The following LARP4B variants were observed in gnomAD, a reference collection of about 807,000 sequenced individuals.
The protein encoded by LARP4B is La ribonucleoprotein 4B.
Under a neutral mutation model 89.8 loss-of-function variants are expected in LARP4B, and 12 were observed. The ratio of observed to expected loss-of-function variants is 0.13; its 90% confidence interval spans 0.09 to 0.22. The LOEUF is 0.22. LARP4B is among the 10% of genes least tolerant of loss of function. The pLI, the probability that LARP4B is intolerant of heterozygous loss-of-function variation, is 1.00. For missense variants in LARP4B, 757 were observed against 947.7 expected, an observed-to-expected ratio of 0.80 and a Z score of 2.64; for synonymous variants, 367 against 363.3, an observed-to-expected ratio of 1.01 and a Z score of -0.12.
At chr10:965,346 G>A in the LARP4B span, among the ~76,000 whole-genome samples, 30 of 152,174 alleles carry the variant, frequency 2.0e-4, no homozygotes, top group African/African-American at 6.8e-4. Flanking sequence ...CCTGGACTCT[G>A]AGGCCCCCAA....
At chr10:904,656 C>G (rs1836440199) in intron 1 of LARP4B, among the ~76,000 whole-genome samples, 1 of 152,116 alleles carries the variant, frequency 6.6e-6, no homozygotes, top group African/African-American at 2.4e-5. Context: ...CTTTTAATCA[C>G]AACACAGCAT....
intron 8 of LARP4B, among the ~76,000 whole-genome samples, chr10:833,283 A>AAAAAC (rs1833019709): frequency 7.1e-6 from 1 of 141,386 alleles, no homozygotes; most frequent in Non-Finnish European, 1.6e-5. Context: ...AAAAAAAAAA[A>AAAAAC]ACCTCAAAAT....
the LARP4B span, among the ~76,000 whole-genome samples, chr10:965,407 G>A: frequency 0.12 from 18,732 of 152,062 alleles, 1,498 homozygotes; most frequent in Non-Finnish European, 0.18. Flanking sequence ...TGCGGCTCCT[G>A]GGTCATCTCA....
At chr10:864,725 G>C (rs1449345778) in intron 3 of LARP4B, among the ~76,000 whole-genome samples, 1 of 152,194 alleles carries the variant, frequency 6.6e-6, no homozygotes, top group African/African-American at 2.4e-5. Context: ...AGGCCAAGGC[G>C]GGCGGATCAC....
upstream of LARP4B, among the ~76,000 whole-genome samples, chr10:934,650 G>A (rs1315321014): frequency 6.6e-6 from 1 of 151,720 alleles, no homozygotes; most frequent in East Asian, 1.9e-4. Flanking sequence ...TTTTCACCTT[G>A]AGATGTGAGG....
In LARP4B at chr10:919,025, G is replaced by T. The variant is rs371435886; in HGVS notation, c.-40+12403C>A. On this transcript the variant is annotated intron_variant, in intron 1 of 17. Coordinates refer to ENST00000316157, the MANE Select transcript of LARP4B (RefSeq NM_015155.3). ...GAACCCGAGAGGCGGAGTTTGCAGT[G>T]AGCGGAGATCAAGCCACTGCACTCC... Among the ~76,000 whole-genome samples, 30 of 151,634 alleles carry T rather than the reference G, an allele frequency of 2.0e-4. No homozygotes were observed. In the South Asian group the frequency reaches 2.5e-3, roughly 13 times the overall value.
intron 1 of LARP4B, among the ~76,000 whole-genome samples, chr10:923,066 T>G (rs1003835036): frequency 5.3e-5 from 8 of 150,118 alleles, no homozygotes; most frequent in African/African-American, 1.7e-4. Context: ...CAGGTGAGAC[T>G]CCACCTCAAA....
rs112889159 is a variant in LARP4B at position 853,363 on chromosome 10, A to T, written c.431-8308T>A. On this transcript the variant is annotated intron_variant, in intron 5 of 17. Transcript: ENST00000316157. The stretch of plus-strand genomic sequence containing the variant: ...TGAGATAGCAGTATGTCCTTAAAAA[A>T]AAAACTACAATACCTTCATTTAAAC... Among the ~76,000 whole-genome samples, 1,028 of 152,344 alleles carry T rather than the reference A, an allele frequency of 6.7e-3. 1 individual carries two copies. The highest frequency in any genetic ancestry group is 0.012 in the Non-Finnish European group (836 of 68,028).
At chr10:855,341 C>G (rs1834249326) in intron 5 of LARP4B, among the ~76,000 whole-genome samples, 1 of 152,154 alleles carries the variant, frequency 6.6e-6, no homozygotes, top group African/African-American at 2.4e-5. Context: ...GCTTACTAAG[C>G]TTAATCACTT....
Position 812,019 on chromosome 10 carries a change from A to C in LARP4B, c.*907T>G, listed in dbSNP as rs1361210563. The C allele has an allele frequency of 6.6e-6, 1 of 152,662 alleles. No homozygotes were observed. The highest frequency in any genetic ancestry group is 6.5e-5 in the Admixed American group (1 of 15,286). The allele number at this position is 152,662 out of a possible 1,614,324, so 9.5% of individuals were successfully genotyped here. ...TAAATCCATGTGCTGATGCAGAGGT[A>C]CAGGGAGATGTCCACACGGAGCTGA... On this transcript the variant is annotated 3_prime_UTR_variant, in exon 18 of 18. Transcript: ENST00000316157.
intron 11 of LARP4B, among the ~76,000 whole-genome samples, chr10:828,173 A>G (rs928274112): frequency 1.3e-5 from 2 of 152,154 alleles, no homozygotes; most frequent in African/African-American, 4.8e-5. Flanking sequence ...AGGCCTGGAA[A>G]CTGCCAGCTC....
rs1213896896 is a variant in LARP4B at position 810,283 on chromosome 10, G to C, written c.*2643C>G. On this transcript the variant is annotated 3_prime_UTR_variant, in exon 18 of 18. Transcript: ENST00000316157. Reference sequence around the variant, plus strand: ...TATGATAACTCTCATTTTCTTCTGAGCAGAAACTCTTGAAGTAGTATCAGG... The same window carrying C: ...TATGATAACTCTCATTTTCTTCTGACCAGAAACTCTTGAAGTAGTATCAGG... The C allele has an allele frequency of 1.3e-5, 2 of 152,160 alleles. No homozygotes were observed. Among genetic ancestry groups the C allele is most frequent in the Non-Finnish European group, 1.5e-5 (1 of 68,038 alleles). The allele number at this position is 152,160 out of a possible 1,614,324, so 9.4% of individuals were successfully genotyped here. A position where few individuals can be genotyped will look rare whatever the true frequency, so the allele number is the denominator to read the frequency against.
chr10:930,308 G>A (rs1837262103), intron 1 of LARP4B, among the ~76,000 whole-genome samples: 1 of 152,154 alleles, frequency 6.6e-6, no homozygotes, highest in Admixed American at 6.6e-5. Context: ...AAGGCCTCAC[G>A]CATACTGTTT....
intron 5 of LARP4B, among the ~76,000 whole-genome samples, chr10:858,896 A>C (rs543321215): frequency 1.3e-5 from 2 of 152,364 alleles, no homozygotes; most frequent in South Asian, 4.1e-4. Context: ...TCATGCCTGT[A>C]ATCACAGCAC....
In LARP4B at chr10:928,398, C is replaced by T. The variant is rs191052305; in HGVS notation, c.-40+3030G>A. On this transcript the variant is annotated intron_variant, in intron 1 of 17. Coordinates refer to ENST00000316157, the MANE Select transcript of LARP4B (RefSeq NM_015155.3). ...ATAATCCTAGCTATCACTATTTTGA[C>T]GGAAAATATGAATTTTAACATGACA... Among the ~76,000 whole-genome samples the T allele has an allele frequency of 2.0e-3, 300 of 152,160 alleles. 3 individuals are homozygous for T. Among genetic ancestry groups the T allele is most frequent in the Admixed American group, 6.7e-3 (103 of 15,280 alleles).
At position 863,726 on chromosome 10, in the gene LARP4B, C is replaced by G. The variant is rs375106490; in HGVS notation, c.430+17G>C. 30 of 1,577,816 alleles carry G rather than the reference C, an allele frequency of 1.9e-5. No individual in the cohort carries two copies. The African/African-American group carries it at 3.7e-4, about 19-fold the overall frequency. The stretch of plus-strand genomic sequence containing the variant: ...GCCCATATTCCCTGGGAAAATGCAC[C>G]CATAAGATATGTTTACCTGTCTCGC... On this transcript the variant is annotated intron_variant, in intron 5 of 17. Coordinates refer to ENST00000316157, the MANE Select transcript of LARP4B (RefSeq NM_015155.3).
the LARP4B span, among the ~76,000 whole-genome samples, chr10:944,692 T>C: frequency 1.3e-5 from 2 of 152,268 alleles, no homozygotes; most frequent in Non-Finnish European, 2.9e-5. Flanking sequence ...CCTTGGTGTC[T>C]GCCCGTGACT....
At chr10:851,187 T>C (rs1434404910) in intron 5 of LARP4B, among the ~76,000 whole-genome samples, 1 of 149,684 alleles carries the variant, frequency 6.7e-6, no homozygotes, top group African/African-American at 2.5e-5. Flanking sequence ...TAACTTTTTT[T>C]TTTTTTTTTT....
At chr10:908,409 T>C (rs890088090) in intron 1 of LARP4B, among the ~76,000 whole-genome samples, 1 of 152,162 alleles carries the variant, frequency 6.6e-6, no homozygotes, top group African/African-American at 2.4e-5. Flanking sequence ...CTTACTTGTG[T>C]GAGTCTGTCA....
Sources: allele counts gnomAD v4.1 joint callset (sites outside exome capture counted in the v4.1 genomes callset), GRCh38; gene constraint gnomAD v4.1.1; transcripts MANE v1.5; gene names NCBI Gene and HGNC (gene_info 2026-07-23, HGNC 2026-07-21).